The following CDC20B variants were observed in gnomAD, a reference collection of about 807,000 sequenced individuals.
CDC20B encodes the protein cell division cycle protein 20 homolog B.
CDC20B carries 58 observed loss-of-function variants against 64.1 expected under a neutral mutation model. That is an observed-to-expected ratio of 0.90 (90% CI 0.73 to 1.13). The LOEUF is 1.13. Among genes scored for constraint, CDC20B ranks in the 50% most tolerant of loss-of-function variants. The pLI, the probability that CDC20B is intolerant of heterozygous loss-of-function variation, is 0.00. For missense variants in CDC20B, 597 were observed against 633.0 expected (o/e 0.94, Z 0.61); for synonymous variants, 243 against 230.6 (o/e 1.05, Z -0.49).
At chr5:55,119,646 G>A (rs773459703) in intron 11 of CDC20B, among the ~76,000 whole-genome samples, 155 bp downstream of exon 11, 2 of 152,118 alleles carry the variant, frequency 1.3e-5, no homozygotes, top group African/African-American at 4.8e-5. Context: ...TCAACTATAC[G>A]CTCTCTGAGG....
intron 2 of CDC20B, chr5:55,160,504 G>C (rs1743989672): frequency 1.3e-6 from 1 of 758,740 alleles, no homozygotes; most frequent in South Asian, 1.8e-5. Context: ...TTGGAATTTA[G>C]TCTTCAGAGT....
At chr5:55,146,920 T>C (rs1743498914) in intron 2 of CDC20B, 64 bp from the exon 3 acceptor site, 1 of 1,148,290 alleles carries the variant, frequency 8.7e-7, no homozygotes, top group Admixed American at 2.0e-5. Context: ...AAAAATTCCC[T>C]ATAAGAGAAT....
intron 2 of CDC20B, chr5:55,160,367 ACT>A: frequency 6.2e-7 from 1 of 1,613,012 alleles, no homozygotes; most frequent in Non-Finnish European, 8.5e-7. Flanking sequence ...AAAAGGAAGA[ACT>A]GTTTCTCTGG....
intron 6 of CDC20B, among the ~76,000 whole-genome samples, chr5:55,129,064 A>G (rs1464697038): frequency 1.5e-4 from 23 of 152,176 alleles, no homozygotes; most frequent in Admixed American, 1.5e-3. Context: ...TGATACCTAC[A>G]CGTTCTCAAC....
chr5:55,168,828 T>C (rs1217087234), intron 2 of CDC20B, among the ~76,000 whole-genome samples: 3 of 152,092 alleles, frequency 2.0e-5, no homozygotes, highest in Non-Finnish European at 4.4e-5. Flanking sequence ...CCAGAAGGGG[T>C]AGAAGGAAGG....
At chr5:55,157,977 G>T (rs905410607) in intron 2 of CDC20B, among the ~76,000 whole-genome samples, 7 of 152,158 alleles carry the variant, frequency 4.6e-5, no homozygotes, top group African/African-American at 1.7e-4. Context: ...ACAGCCTGAG[G>T]AGTTAAAATA....
In CDC20B at chr5:55,127,352, C is replaced by T; in HGVS notation, c.895-1G>A. 6.2e-7 allele frequency: 1 copy of T among 1,613,318 alleles called. No individual in the cohort carries two copies. Among genetic ancestry groups the T allele is most frequent in the Non-Finnish European group, 8.5e-7 (1 of 1,179,334 alleles). ...GCTTTTTAGTTACCACATCCCATAA[C>T]TGAAAAAATGAACAAGGAGAGTTAT... On this transcript the variant is annotated splice_acceptor_variant, in intron 7 of 11. Coordinates refer to ENST00000381375, the MANE Select transcript of CDC20B (RefSeq NM_001170402.1). LOFTEE classifies it high-confidence loss of function.
At chr5:55,151,423 G>C (rs1234666596) in intron 2 of CDC20B, among the ~76,000 whole-genome samples, 1 of 152,176 alleles carries the variant, frequency 6.6e-6, no homozygotes, top group East Asian at 1.9e-4. Flanking sequence ...CACCGCATTG[G>C]AAGATAAACT....
intron 2 of CDC20B, among the ~76,000 whole-genome samples, chr5:55,158,995 C>T (rs1239318295): frequency 1.3e-5 from 2 of 151,914 alleles, no homozygotes; most frequent in Non-Finnish European, 2.9e-5. Flanking sequence ...ACTTTATTAT[C>T]GAGTTCAATT....
At position 55,143,563 on chromosome 5, in the gene CDC20B, G is replaced by A. The variant is rs1743389456; in HGVS notation, c.436C>T (p.Pro146Ser). The stretch of plus-strand genomic sequence containing the variant: ...TTCCAGTCTCTGTCCATTGCATGAG[G>A]TGCCTTGCAAAAATGGAGAGCAGAG... ...SNSALHFCKAPHAMDRDWKES... is the reference protein window; with the variant it reads ...SNSALHFCKASHAMDRDWKES... The change falls in exon 4 of 12, where the codon CCT becomes TCT. Residue 146 changes from proline (P) to serine (S), a missense_variant. Transcript: ENST00000381375. The A allele has an allele frequency of 1.9e-6, 3 of 1,611,216 alleles. No homozygotes were observed. The highest frequency in any genetic ancestry group is 2.5e-6 in the Non-Finnish European group (3 of 1,178,302).
At chr5:55,160,827 C>T in intron 2 of CDC20B, 1 of 637,624 alleles carries the variant, frequency 1.6e-6, no homozygotes, top group Non-Finnish European at 2.6e-6. Context: ...TTAACCCAGG[C>T]ATCTAGGTTA....
Position 55,124,812 on chromosome 5 carries a change from C to T in CDC20B, c.1206G>A (p.Thr402=), listed in dbSNP as rs1358778310. The T allele has an allele frequency of 3.1e-6, 5 of 1,613,586 alleles. No homozygotes were observed. The highest frequency in any genetic ancestry group is 1.1e-5 in the South Asian group (1 of 91,052). Residue 402 remains threonine, a synonymous_variant, in exon 9 of 12, where the codon ACG becomes ACA. Transcript: ENST00000381375. ...CTATTGGGTTTCTTACCTTGACTGCCGTAGACTGGGTTATGACTTTCAGCG... is the reference window on the plus strand; with the variant it reads ...CTATTGGGTTTCTTACCTTGACTGCTGTAGACTGGGTTATGACTTTCAGCG... ...GQPLKVITQS[T]AVKAMDWCPW... is the part of the protein sequence containing the mutation.
chr5:55,137,773 A>G, intron 5 of CDC20B: 2 of 428,706 alleles, frequency 4.7e-6, no homozygotes, highest in South Asian at 3.4e-5. Flanking sequence ...AAGAACAAAC[A>G]CTATGGGAGT....
intron 2 of CDC20B, among the ~76,000 whole-genome samples, chr5:55,159,189 A>T (rs336083): frequency 0.63 from 95,285 of 151,888 alleles, 30,268 homozygotes; most frequent in Admixed American, 0.71. Flanking sequence ...GCTAATTAAA[A>T]TTCTTTTTTA....
chr5:55,150,852 C>T (rs1393346728), intron 2 of CDC20B, among the ~76,000 whole-genome samples: 1 of 152,088 alleles, frequency 6.6e-6, no homozygotes, highest in Non-Finnish European at 1.5e-5. Flanking sequence ...CTCAAGCGAT[C>T]CTCCTGCCTC....
At chr5:55,155,895 C>G (rs923437555) in intron 2 of CDC20B, among the ~76,000 whole-genome samples, 30 of 152,188 alleles carry the variant, frequency 2.0e-4, no homozygotes, top group African/African-American at 6.8e-4. Flanking sequence ...GTTCTCCATG[C>G]CTTCCCCTTT....
At position 55,145,984 on chromosome 5, in the gene CDC20B, C is replaced by CAT. The variant is rs373577998; in HGVS notation, c.355+642_355+643dup. Among the ~76,000 whole-genome samples, 125 of 152,246 alleles carry CAT rather than the reference C, an allele frequency of 8.2e-4. 1 individual carries two copies. The highest frequency in any genetic ancestry group is 1.6e-3 in the Non-Finnish European group (107 of 68,022). ...TTCTATACTTTGCAAAACAAAAGCA[C>CAT]ATATATATGTGTGTATGTGTACATA... On this transcript the variant is annotated intron_variant, in intron 3 of 11. Transcript: ENST00000381375.
Position 55,157,243 on chromosome 5 carries a change from A to G in CDC20B, c.127-10387T>C, listed in dbSNP as rs532770829. ...ATTTTGATATATGTATAGTCTGAGA[A>G]TAGAGTTAGTATAGACAGAACATGA... On this transcript the variant is annotated intron_variant, in intron 2 of 11. Transcript: ENST00000381375. 7.5e-4 allele frequency among the ~76,000 whole-genome samples: 114 copies of G among 152,326 alleles called. 2 individuals are homozygous for G. The South Asian group carries it at 0.013, about 18-fold the overall frequency.
At chr5:55,149,950 AT>A (rs1204913868) in intron 2 of CDC20B, among the ~76,000 whole-genome samples, 1 of 152,132 alleles carries the variant, frequency 6.6e-6, no homozygotes, top group East Asian at 1.9e-4. Flanking sequence ...CCTGACCAAT[AT>A]GATGAAACCC....
Sources: gnomAD v4.1 joint callset for allele counts (sites outside exome capture counted in the v4.1 genomes callset) on GRCh38, gnomAD v4.1.1 for gene constraint, MANE v1.5 for transcripts, NCBI Gene and HGNC (gene_info 2026-07-23, HGNC 2026-07-21) for gene names.